TSPYL2: variants seen among roughly 807,000 people sequenced by gnomAD.
The protein encoded by TSPYL2 is testis-specific Y-encoded-like protein 2.
Under a neutral mutation model 33.0 loss-of-function variants are expected in TSPYL2, and 9 were observed. The observed-to-expected ratio is 0.27, with a 90% confidence interval of 0.16 to 0.48. The LOEUF is 0.48. TSPYL2 is among the 20% of genes least tolerant of loss of function. The pLI is 0.99. For synonymous variants in TSPYL2, 330 were observed against 233.6 expected, an observed-to-expected ratio of 1.41 and a Z score of -3.77; for missense variants, 636 against 586.2, an observed-to-expected ratio of 1.08 and a Z score of -0.88.
Position 53,084,955 on chromosome X carries a change from C to A in TSPYL2, c.999C>A (p.Gly333=). The change falls in exon 4 of 7, where the codon GGC becomes GGA. Residue 333 remains glycine (G), a splice_region_variant and synonymous_variant. Transcript: ENST00000375442. ...CTCCATAGCCTTCTCTCTCCCTAGGCCGGCTGGTGTCTCACTCAACCCCAA... is the reference window on the plus strand; with the variant it reads ...CTCCATAGCCTTCTCTCTCCCTAGGACGGCTGGTGTCTCACTCAACCCCAA... The part of the protein sequence containing the change: ...IVKEFQRNRS[G]RLVSHSTPIR... 1 of 1,209,873 alleles carries A rather than the reference C, an allele frequency of 8.3e-7. No individual in the cohort carries two copies. The highest frequency in any genetic ancestry group is 1.1e-6 in the Non-Finnish European group (1 of 894,319).
Position 53,088,377 on chromosome X carries a change from T to C in TSPYL2, c.*438T>C. On this transcript the variant is annotated 3_prime_UTR_variant, in exon 7 of 7. Coordinates refer to ENST00000375442, the MANE Select transcript of TSPYL2 (RefSeq NM_022117.4). ...CCACCTTCCTCTCCCAAGTTCTTTC[T>C]CCATCCCTCTCCTCTTCCCGCCGCG... The C allele has an allele frequency of 7.8e-6, 1 of 127,495 alleles. No individual in the cohort carries two copies. The highest frequency in any genetic ancestry group is 1.6e-5 in the Non-Finnish European group (1 of 61,940). The allele number at this position is 127,495 out of a possible 1,213,427, so 10.5% of individuals were successfully genotyped here. A position where few individuals can be genotyped will look rare whatever the true frequency, so the allele number is the denominator to read the frequency against.
intron 1 of TSPYL2, among the ~76,000 whole-genome samples, chrX:53,084,329 A>T (rs900775917): frequency 8.9e-6 from 1 of 112,335 alleles, no homozygotes; most frequent in Non-Finnish European, 1.9e-5. Context: ...TACCACATGC[A>T]CATGGATTGT....
chrX:53,083,095 G>A lies in TSPYL2; in HGVS notation c.597G>A (p.Lys199=), dbSNP rs782443516. The A allele has an allele frequency of 1.7e-6, 2 of 1,209,227 alleles. No individual in the cohort carries two copies. The highest frequency in any genetic ancestry group is 2.2e-6 in the Non-Finnish European group (2 of 894,307). Residue 199 remains lysine (K), a synonymous_variant, in exon 1 of 7, where the codon AAG becomes AAA. Coordinates refer to ENST00000375442, the MANE Select transcript of TSPYL2 (RefSeq NM_022117.4). ...GGCGGCGGAGGAGGAAGCAGAGGAA[G>A]GTGAAGAGGGAAAGCAGAGAGAGAA... The part of the protein sequence containing the change: ...RRRRRRRKQR[K]VKRESRERNA...
intron 5 of TSPYL2, 119 bp from the exon 6 acceptor site, chrX:53,085,512 C>T (rs1178792867): frequency 3.6e-6 from 3 of 841,656 alleles, no homozygotes; most frequent in Non-Finnish European, 5.1e-6. Context: ...TTTACCCACC[C>T]TAGCCCCATT....
rs1556807301 is a variant in TSPYL2 at position 53,082,810 on chromosome X, G to A, written c.312G>A (p.Gly104=). 5 of 1,201,617 alleles carry A rather than the reference G, an allele frequency of 4.2e-6. No individual in the cohort carries two copies. The highest frequency in any genetic ancestry group is 6.0e-5 in the East Asian group (2 of 33,493). ...CPGWDSTIES[G]YGEAPPPTES... The stretch of plus-strand genomic sequence containing the variant: ...GCTGGGATTCTACCATCGAGTCGGG[G>A]TATGGGGAGGCGCCCCCGCCCACGG... Residue 104 remains glycine (G), a synonymous_variant, in exon 1 of 7, where the codon GGG becomes GGA. Coordinates refer to ENST00000375442, the MANE Select transcript of TSPYL2 (RefSeq NM_022117.4).
rs2146693671 is a variant in TSPYL2 at position 53,082,756 on chromosome X, A to G, written c.258A>G (p.Ala86=). ...TTCTCGAGGAGGGGGGGATCCGCGC[A>G]TACTTCACGCTCGGTGCTGAGTGTC... ...YVILEEGGIR[A]YFTLGAECPG... The change falls in exon 1 of 7, where the codon GCA becomes GCG. Residue 86 remains alanine (A), a synonymous_variant. Transcript: ENST00000375442. 8.4e-7 allele frequency: 1 copy of G among 1,183,445 alleles called. No individual in the cohort carries two copies. The highest frequency in any genetic ancestry group is 3.0e-5 in the East Asian group (1 of 33,099).
chrX:53,084,657 G>C, intron 2 of TSPYL2, 35 bp downstream of exon 2: 3 of 1,196,187 alleles, frequency 2.5e-6, no homozygotes, highest in Non-Finnish European at 3.4e-6. Flanking sequence ...GTAGGATCGG[G>C]CACGAATCTG....
In TSPYL2 at chrX:53,084,552, A is replaced by G. The variant is rs782321647; in HGVS notation, c.815A>G (p.Asn272Ser). 12 of 1,167,507 alleles carry G rather than the reference A, an allele frequency of 1.0e-5. No homozygotes were observed. The highest frequency in any genetic ancestry group is 4.0e-5 in the South Asian group (2 of 49,818). ...AACTGCTCCACTCATCAGTTCCTCA[A>G]CCACCCCAGAATTTCAATTTTGATC... Reference protein sequence around the residue: ...IPGFWVKAFLNHPRISILINR... With the variant: ...IPGFWVKAFLSHPRISILINR... Residue 272 changes from asparagine (N) to serine (S), a missense_variant, in exon 2 of 7, where the codon AAC (asparagine) becomes AGC (serine). Physicochemically the swap from Asn to Ser is conservative, Grantham distance 46. Around this residue, in one of 3 missense-constraint regions of TSPYL2, gnomAD observed 401 missense variants for 363.0 expected, o/e 1.10. Coordinates refer to ENST00000375442, the MANE Select transcript of TSPYL2 (RefSeq NM_022117.4).
In TSPYL2 at chrX:53,088,145, T is replaced by G; in HGVS notation, c.*206T>G. ...GGAAAGGGGGCTAGTCCCCTTCTTT[T>G]GGCCCTCCGCCCCCGCAGGCTTCTG... On this transcript the variant is annotated 3_prime_UTR_variant, in exon 7 of 7. Coordinates refer to ENST00000375442, the MANE Select transcript of TSPYL2 (RefSeq NM_022117.4). 3 of 427,963 alleles carry G rather than the reference T, an allele frequency of 7.0e-6. No individual in the cohort carries two copies. The South Asian group carries it at 1.2e-4, about 17-fold the overall frequency. The allele number at this position is 427,963 out of a possible 1,213,427, so 35.3% of individuals were successfully genotyped here. A position where few individuals can be genotyped will look rare whatever the true frequency, so the allele number is the denominator to read the frequency against.
chrX:53,084,467 T>C (rs1438889952), intron 1 of TSPYL2, 78 bp from the exon 2 acceptor site: 25 of 878,992 alleles, frequency 2.8e-5, no homozygotes, highest in East Asian at 2.8e-4. Context: ...CAGCCTCTCT[T>C]ACTGTGCCCT....
At position 53,087,800 on chromosome X, in the gene TSPYL2, A is replaced by G. The variant is rs145146062; in HGVS notation, c.1943A>G (p.Tyr648Cys). Reference sequence around the variant, plus strand: ...GGCATCCAGCAAGATGAGGACATCTATGAGGAAGGAAACTATGAGGAGGAA... The same window carrying G: ...GGCATCCAGCAAGATGAGGACATCTGTGAGGAAGGAAACTATGAGGAGGAA... Reference protein sequence around the residue: ...EEGIQQDEDIYEEGNYEEEGS... With the variant: ...EEGIQQDEDICEEGNYEEEGS... The change falls in exon 7 of 7, where the codon TAT (tyrosine) becomes TGT (cysteine). Residue 648 changes from tyrosine (Y) to cysteine (C), a missense_variant. Physicochemically the swap from Tyr to Cys is radical, Grantham distance 194. Transcript: ENST00000375442. 4.2e-4 allele frequency: 511 copies of G among 1,209,226 alleles called. No homozygotes were observed. Among genetic ancestry groups the G allele is most frequent in the Non-Finnish European group, 5.1e-4 (452 of 894,511 alleles).
chrX:53,087,686 C>T lies in TSPYL2; in HGVS notation c.1919-90C>T, dbSNP rs1427619747. 3.3e-5 allele frequency: 33 copies of T among 1,011,912 alleles called. No homozygotes were observed. The African/African-American group carries it at 6.0e-4, about 18-fold the overall frequency. The allele number at this position is 1,011,912 out of a possible 1,213,427, so 83.4% of individuals were successfully genotyped here. The stretch of plus-strand genomic sequence containing the variant: ...TGTCCCAGGCCGCTAAAAACCCTGG[C>T]TATGGTCTCTGTTCCCTTTTAGAGT... On this transcript the variant is annotated intron_variant, in intron 6 of 6. Coordinates refer to ENST00000375442, the MANE Select transcript of TSPYL2 (RefSeq NM_022117.4).
rs781874099 is a variant in TSPYL2 at position 53,086,070 on chromosome X, G to A, written c.1678G>A (p.Asp560Asn). 4 of 1,172,174 alleles carry A rather than the reference G, an allele frequency of 3.4e-6. No individual in the cohort carries two copies. The highest frequency in any genetic ancestry group is 3.2e-5 in the East Asian group (1 of 31,047). The change falls in exon 6 of 7, where the codon GAC becomes AAC. Residue 560 changes from aspartate to asparagine, a missense_variant. Physicochemically the swap from Asp to Asn is conservative, Grantham distance 23 (BLOSUM62 1). This residue lies in a region of TSPYL2 where 401 missense variants were observed against 363.0 expected (regional missense o/e 1.10). Coordinates refer to ENST00000375442, the MANE Select transcript of TSPYL2 (RefSeq NM_022117.4). The stretch of plus-strand genomic sequence containing the variant: ...CCATGGCAACAACCAGGACAGCAGC[G>A]ACAGTGACAATGAAGCAGATGAGGC... ...GSHGNNQDSS[D>N]SDNEADEASD...
At chrX:53,086,452 G>T (rs782808391) in intron 6 of TSPYL2, 142 bp downstream of exon 6, 8 of 565,236 alleles carry the variant, frequency 1.4e-5, no homozygotes, top group Non-Finnish European at 2.3e-5. Context: ...TTTAAACAAA[G>T]GAAGTCCAGT....
In TSPYL2 at chrX:53,084,946, C is replaced by T. The variant is rs782424089; in HGVS notation, c.998-8C>T. The T allele has an allele frequency of 7.5e-6, 9 of 1,207,059 alleles. No individual in the cohort carries two copies. In the East Asian group the frequency reaches 2.1e-4, roughly 28 times the overall value. On this transcript the variant is annotated splice_region_variant and splice_polypyrimidine_tract_variant and intron_variant, in intron 3 of 6. Transcript: ENST00000375442. Reference sequence around the variant, plus strand: ...TTGTCCCATCTCCATAGCCTTCTCTCTCCCTAGGCCGGCTGGTGTCTCACT... The same window carrying T: ...TTGTCCCATCTCCATAGCCTTCTCTTTCCCTAGGCCGGCTGGTGTCTCACT...
rs1932792275 is a variant in TSPYL2, at chrX:53,088,085, G to T, written c.*146G>T. 4 of 542,499 alleles carry T rather than the reference G, an allele frequency of 7.4e-6. No homozygotes were observed. In the Admixed American group the frequency reaches 1.6e-4, roughly 21 times the overall value. 44.7% of individuals were successfully genotyped at this position (542,499 alleles called of 1,213,427 possible). A position where few individuals can be genotyped will look rare whatever the true frequency, so the allele number is the denominator to read the frequency against. ...CACGGGTTTAAAGTTTATTTTTATG[G>T]TTTAGTCATTGCAGAGTTCTTATTT... On this transcript the variant is annotated 3_prime_UTR_variant, in exon 7 of 7. Transcript: ENST00000375442.
Position 53,083,326 on chromosome X carries a change from C to T in TSPYL2, c.807+21C>T, listed in dbSNP as rs782351677. 3.4e-6 allele frequency: 4 copies of T among 1,176,453 alleles called. No homozygotes were observed. The Admixed American group carries it at 9.0e-5, about 26-fold the overall frequency. On this transcript the variant is annotated intron_variant, in intron 1 of 6. Transcript: ENST00000375442. ...AAGCAGTATCCTTCTAATCGATACT[C>T]CGTAGGTCAGAAGCCCGTGACAGGA...
rs887781543 is a variant in TSPYL2 at position 53,086,323 on chromosome X, C to T, written c.1918+13C>T. 1.7e-5 allele frequency: 19 copies of T among 1,145,003 alleles called. No individual in the cohort carries two copies. The highest frequency in any genetic ancestry group is 2.2e-5 in the African/African-American group (1 of 46,415). 94.4% of individuals were successfully genotyped at this position (1,145,003 alleles called of 1,213,427 possible). On this transcript the variant is annotated intron_variant, in intron 6 of 6. Transcript: ENST00000375442. ...GGCATTGAGGAAGGTGAGCTAATCC[C>T]CCCCCACCCTTGTCTTCCCTCTTTT...
intron 6 of TSPYL2, 137 bp from the exon 7 acceptor site, chrX:53,087,639 C>A (rs1228335344): frequency 4.9e-6 from 3 of 609,422 alleles, no homozygotes; most frequent in Non-Finnish European, 7.6e-6. Flanking sequence ...GCTGTTTGTT[C>A]CAAGCAGAGG....
Sources: gnomAD v4.1 joint callset for allele counts (sites outside exome capture counted in the v4.1 genomes callset) on GRCh38, gnomAD v4.1.1 for gene constraint, gnomAD v4.1.1 regional missense constraint, MANE v1.5 for transcripts, NCBI Gene and HGNC (gene_info 2026-07-23, HGNC 2026-07-21) for gene names.